TIPARP: variants seen among roughly 807,000 people sequenced by gnomAD.
The protein encoded by TIPARP is TCDD inducible poly(ADP-ribose) polymerase.
Under a neutral mutation model 56.5 loss-of-function variants are expected in TIPARP, and 12 were observed. The observed-to-expected ratio is 0.21, with a 90% CI of 0.14 to 0.34. The LOEUF is 0.34. TIPARP is among the 10% of genes least tolerant of loss of function. TIPARP has a pLI of 1.00. For missense variants in TIPARP, 604 were observed against 781.6 expected (o/e 0.77, Z 2.71); for synonymous variants, 296 against 265.7 (o/e 1.11, Z -1.11).
In TIPARP at chr3:156,703,380, A is replaced by G. The variant is rs1206074607; in HGVS notation, c.1248-44A>G. On this transcript the variant is annotated intron_variant, in intron 4 of 5. Transcript: ENST00000295924. ...GATCACTATAATGTGAGGTGTACTT[A>G]TTTCTTAATGTTTTACATTGATGTT... 4 of 1,592,660 alleles carry G rather than the reference A, an allele frequency of 2.5e-6. No individual in the cohort carries two copies. The Admixed American group carries it at 6.9e-5, about 27-fold the overall frequency.
intron 2 of TIPARP, among the ~76,000 whole-genome samples, chr3:156,683,818 C>G (rs987772622): frequency 6.6e-6 from 1 of 152,188 alleles, no homozygotes; most frequent in Admixed American, 6.5e-5. Flanking sequence ...CAAACCTTGA[C>G]TACTCAAGGA....
At chr3:156,700,914 G>T (rs1478063989) in intron 4 of TIPARP, among the ~76,000 whole-genome samples, 2 of 152,200 alleles carry the variant, frequency 1.3e-5, no homozygotes, top group African/African-American at 4.8e-5. Context: ...GAGAAGGCTG[G>T]TGTCCGTCTG....
Position 156,704,123 on chromosome 3 carries a change from G to T in TIPARP, c.1526+421G>T, listed in dbSNP as rs116626590. Among the ~76,000 whole-genome samples, 466 of 152,120 alleles carry T rather than the reference G, an allele frequency of 3.1e-3. 1 individual carries two copies. The highest frequency in any genetic ancestry group is 0.011 in the African/African-American group (452 of 41,504). ...CAGAATTTATGTTCATATTTTCTGTGTATTGACTGACATATAATCCTCATA... is the reference window on the plus strand; with the variant it reads ...CAGAATTTATGTTCATATTTTCTGTTTATTGACTGACATATAATCCTCATA... On this transcript the variant is annotated intron_variant, in intron 5 of 5. Coordinates refer to ENST00000295924, the MANE Select transcript of TIPARP (RefSeq NM_015508.5).
chr3:156,686,760 GATAACT>G (rs1418637502), intron 2 of TIPARP, among the ~76,000 whole-genome samples: 1 of 152,098 alleles, frequency 6.6e-6, no homozygotes, highest in East Asian at 1.9e-4. Flanking sequence ...ATATTTTTAT[GATAACT>G]ATAACTAGTA....
In TIPARP at chr3:156,695,417, C is replaced by G. The variant is rs532623676; in HGVS notation, c.1087-448C>G. ...TATTTTTTGTGGAGACAGGATCTTG[C>G]GATGTTGCCCAGTCTAGTCTCGAAC... On this transcript the variant is annotated intron_variant, in intron 3 of 5. Coordinates refer to ENST00000295924, the MANE Select transcript of TIPARP (RefSeq NM_015508.5). Among the ~76,000 whole-genome samples the G allele has an allele frequency of 3.3e-5, 5 of 151,914 alleles. No homozygotes were observed. In the East Asian group the frequency reaches 9.7e-4, roughly 29 times the overall value.
intron 2 of TIPARP, among the ~76,000 whole-genome samples, chr3:156,687,051 C>T (rs1722448422): frequency 6.6e-6 from 1 of 152,104 alleles, no homozygotes; most frequent in Admixed American, 6.5e-5. Flanking sequence ...GGGATATCTA[C>T]TCTTTATAAA....
intron 2 of TIPARP, among the ~76,000 whole-genome samples, chr3:156,684,147 A>G (rs1722370967): frequency 6.6e-6 from 1 of 152,216 alleles, no homozygotes; most frequent in Non-Finnish European, 1.5e-5. Flanking sequence ...GGCTAGTTCA[A>G]ATTGGACACT....
At chr3:156,682,038 A>G (rs1722321582) in intron 2 of TIPARP, among the ~76,000 whole-genome samples, 1 of 152,168 alleles carries the variant, frequency 6.6e-6, no homozygotes, top group African/African-American at 2.4e-5. Flanking sequence ...CACACTGTGG[A>G]GTACTGTTGT....
At chr3:156,696,723 A>G (rs928060925) in intron 4 of TIPARP, among the ~76,000 whole-genome samples, 2 of 152,174 alleles carry the variant, frequency 1.3e-5, no homozygotes, top group Admixed American at 6.5e-5. Flanking sequence ...TACCATTCAC[A>G]TGGCCACCTT....
At chr3:156,685,128 A>G (rs1722400019) in intron 2 of TIPARP, among the ~76,000 whole-genome samples, 1 of 152,240 alleles carries the variant, frequency 6.6e-6, no homozygotes, top group African/African-American at 2.4e-5. Flanking sequence ...TTAGAAGTTG[A>G]TGACGTTAGT....
At chr3:156,692,338 CTTTT>C (rs1445287070) in intron 2 of TIPARP, among the ~76,000 whole-genome samples, 1 of 151,974 alleles carries the variant, frequency 6.6e-6, no homozygotes, top group Non-Finnish European at 1.5e-5. Flanking sequence ...GTTTACAGGA[CTTTT>C]TTTGTTTTTT....
At chr3:156,684,642 G>A (rs1416352332) in intron 2 of TIPARP, among the ~76,000 whole-genome samples, 4 of 152,050 alleles carry the variant, frequency 2.6e-5, no homozygotes, top group Admixed American at 2.6e-4. Flanking sequence ...ATGTTGGTCA[G>A]GCTCGTCTCG....
intron 2 of TIPARP, among the ~76,000 whole-genome samples, chr3:156,692,107 A>C (rs1022930597): frequency 2.6e-5 from 4 of 152,088 alleles, no homozygotes; most frequent in Admixed American, 6.6e-5. Flanking sequence ...TGTTCTAAGA[A>C]CTCCTTAAAG....
intron 3 of TIPARP, among the ~76,000 whole-genome samples, chr3:156,694,886 G>A (rs2108494648): frequency 6.6e-6 from 1 of 152,156 alleles, no homozygotes; most frequent in South Asian, 2.1e-4. Flanking sequence ...ACAAAAGGGG[G>A]GAACAACTTA....
intron 4 of TIPARP, 123 bp downstream of exon 4, chr3:156,696,148 A>T (rs1359328330): frequency 9.7e-7 from 1 of 1,031,408 alleles, no homozygotes; most frequent in Admixed American, 3.3e-5. Context: ...GTGAAATTCC[A>T]AATTAGTCTT....
At chr3:156,684,633 T>C (rs1559972171) in intron 2 of TIPARP, among the ~76,000 whole-genome samples, 1 of 152,120 alleles carries the variant, frequency 6.6e-6, no homozygotes, top group Non-Finnish European at 1.5e-5. Flanking sequence ...GGTTTCTCTA[T>C]GTTGGTCAGG....
intron 3 of TIPARP, 46 bp from the exon 4 acceptor site, chr3:156,695,819 A>G (rs1722697339): frequency 7.0e-7 from 1 of 1,423,094 alleles, no homozygotes; most frequent in Non-Finnish European, 9.2e-7. Context: ...CATGATTATT[A>G]ACTTTCCTTT....
chr3:156,675,931 A>G (rs1577031863), intron 1 of TIPARP, among the ~76,000 whole-genome samples: 1 of 151,728 alleles, frequency 6.6e-6, no homozygotes. Flanking sequence ...TCTTCCTCCC[A>G]GTTTTGTTTC....
chr3:156,704,879 C>T lies in TIPARP; in HGVS notation c.1722C>T (p.Asn574=). The part of the protein sequence containing the change: ...YFAKKASYSH[N]FSKKSSKGVH... ...CAAAGAAGGCAAGCTACTCTCATAA[C>T]TTTTCTAAGAAGTCCTCCAAAGGAG... The change falls in exon 6 of 6, where the codon AAC becomes AAT. Residue 574 remains asparagine (N), a synonymous_variant. Transcript: ENST00000295924. The T allele has an allele frequency of 6.2e-7, 1 of 1,614,196 alleles. No individual in the cohort carries two copies.
Sources: gnomAD v4.1 joint callset for allele counts (sites outside exome capture counted in the v4.1 genomes callset) on GRCh38, gnomAD v4.1.1 for gene constraint, MANE v1.5 for transcripts, NCBI Gene and HGNC (gene_info 2026-07-23, HGNC 2026-07-21) for gene names.